The following WDPCP variants were observed in gnomAD, a reference collection of about 807,000 sequenced individuals.
WDPCP encodes the protein WD repeat containing planar cell polarity effector.
A neutral mutation model predicts 93.1 loss-of-function variants in WDPCP; 71 were observed. The ratio of observed to expected loss-of-function variants is 0.76; its 90% CI spans 0.63 to 0.93. The LOEUF (loss-of-function observed/expected upper bound fraction) is 0.93, where lower values mean the gene tolerates loss of function less well. WDPCP is among the 40% of genes least tolerant of loss of function. The pLI is 0.00. For synonymous variants in WDPCP, 315 were observed against 315.0 expected (o/e 1.00, Z 0.00); for missense variants, 844 against 887.4 (o/e 0.95, Z 0.62).
chr2:63,839,557 C>CAAAACA, the WDPCP span, among the ~76,000 whole-genome samples: 1 of 152,202 alleles, frequency 6.6e-6, no homozygotes. Context: ...GACTCCGTCT[C>CAAAACA]AAAACAAAAA....
At chr2:63,272,478 A>C (rs1682741057) in intron 13 of WDPCP, among the ~76,000 whole-genome samples, 2 of 152,232 alleles carry the variant, frequency 1.3e-5, no homozygotes, top group Non-Finnish European at 2.9e-5. Flanking sequence ...AGAACATAAT[A>C]ATTCTCCAGC....
chr2:63,450,442 C>T (rs1301201089), intron 6 of WDPCP, among the ~76,000 whole-genome samples: 1 of 152,190 alleles, frequency 6.6e-6, no homozygotes, highest in African/African-American at 2.4e-5. Flanking sequence ...TCACCCATAC[C>T]ATGCCAGCTG....
At chr2:63,337,835 TA>T (rs544486321) in intron 12 of WDPCP, among the ~76,000 whole-genome samples, 12 of 152,144 alleles carry the variant, frequency 7.9e-5, no homozygotes, top group African/African-American at 2.2e-4. Context: ...TTTGCCCATT[TA>T]AAAAAAATAG....
intron 2 of WDPCP, among the ~76,000 whole-genome samples, chr2:63,722,521 G>T (rs1391681011): frequency 3.4e-5 from 4 of 116,746 alleles, no homozygotes; most frequent in Admixed American, 2.5e-4. Flanking sequence ...AGTGAGGAGC[G>T]TCTCCGCCCG....
chr2:63,688,509 C>T (rs991442455), intron 2 of WDPCP, among the ~76,000 whole-genome samples: 3 of 83,342 alleles, frequency 3.6e-5, no homozygotes, highest in African/African-American at 6.5e-5. Flanking sequence ...AGGGTTATTG[C>T]GGGGTTGGGG....
chr2:63,344,094 T>C (rs1159909132), intron 12 of WDPCP, among the ~76,000 whole-genome samples: 1 of 152,202 alleles, frequency 6.6e-6, no homozygotes, highest in Non-Finnish European at 1.5e-5. Flanking sequence ...TTTTAAACTT[T>C]TGTTGACATT....
intron 3 of WDPCP, among the ~76,000 whole-genome samples, chr2:63,625,041 C>T (rs757356245): frequency 3.3e-5 from 5 of 152,134 alleles, no homozygotes; most frequent in East Asian, 1.9e-4. Flanking sequence ...AATCAATAAA[C>T]GTAATCCATC....
chr2:63,798,564 T>C (rs1459066504), intron 2 of WDPCP, among the ~76,000 whole-genome samples: 1 of 151,782 alleles, frequency 6.6e-6, no homozygotes, highest in Non-Finnish European at 1.5e-5. Flanking sequence ...CCAAAACACA[T>C]ATAATGGATA....
At position 63,378,484 on chromosome 2, in the gene WDPCP, G is replaced by C; in HGVS notation, c.1650C>G (p.Thr550=). The C allele has an allele frequency of 6.2e-7, 1 of 1,613,168 alleles. No individual in the cohort carries two copies. Among genetic ancestry groups the C allele is most frequent in the South Asian group, 1.1e-5 (1 of 91,066 alleles). ...GAAGTGGTCTTGTTGGAGCATAGAA[G>C]GTTCCAAGGCTTGTCTCAAGCTGTG... ...REAQLETSLG[T]FYAPTRPLLD... The change falls in exon 12 of 18, where the codon ACC becomes ACG. Residue 550 remains threonine (T), a synonymous_variant. Transcript: ENST00000272321.
intron 2 of WDPCP, among the ~76,000 whole-genome samples, chr2:63,704,493 T>A (rs1040742227): frequency 6.6e-6 from 1 of 152,174 alleles, no homozygotes; most frequent in African/African-American, 2.4e-5. Context: ...ATTTATTGAG[T>A]GTTTTTAGCA....
Position 63,120,464 on chromosome 2 carries a change from TATATA to T in WDPCP, c.*1537_*1541del, listed in dbSNP as rs1389698777. On this transcript the variant is annotated 3_prime_UTR_variant, in exon 18 of 18. Transcript: ENST00000272321. ...TTAACTTTGAACTCTAAGATTTAAT[TATATA>T]ATGTAATTATTGTCTAATATTAAAC... is the stretch of plus-strand genomic sequence containing the variant. 6.6e-6 allele frequency among the ~76,000 whole-genome samples: 1 copy of T among 151,918 alleles called. No homozygotes were observed. Among genetic ancestry groups the T allele is most frequent in the Non-Finnish European group, 1.5e-5 (1 of 68,000 alleles).
intron 3 of WDPCP, among the ~76,000 whole-genome samples, chr2:63,597,030 T>C (rs1709326957): frequency 6.6e-6 from 1 of 152,232 alleles, no homozygotes; most frequent in Non-Finnish European, 1.5e-5. Flanking sequence ...CTTAAAGTAA[T>C]TGTAATTTAA....
At chr2:63,516,666 G>C (rs1426081386) in intron 1 of WDPCP, among the ~76,000 whole-genome samples, 1 of 152,094 alleles carries the variant, frequency 6.6e-6, no homozygotes, top group Non-Finnish European at 1.5e-5. Flanking sequence ...CCAGCTCCAG[G>C]CCAGCATTCA....
At chr2:63,568,292 T>C (rs1402644549) in intron 1 of WDPCP, among the ~76,000 whole-genome samples, 3 of 151,710 alleles carry the variant, frequency 2.0e-5, no homozygotes, top group Non-Finnish European at 2.9e-5. Flanking sequence ...ATAACTACTT[T>C]AGGTTAGAAA....
chr2:63,444,576 A>G (rs760874557), intron 6 of WDPCP, among the ~76,000 whole-genome samples: 3 of 152,164 alleles, frequency 2.0e-5, no homozygotes, highest in Non-Finnish European at 2.9e-5. Flanking sequence ...GAGCACCAAG[A>G]CAGTGTCCTA....
chr2:63,758,241 G>C (rs1174334074), intron 2 of WDPCP, among the ~76,000 whole-genome samples: 1 of 152,024 alleles, frequency 6.6e-6, no homozygotes, highest in Non-Finnish European at 1.5e-5. Context: ...GAAGTCTAGG[G>C]TTGGTTCAGC....
intron 14 of WDPCP, among the ~76,000 whole-genome samples, chr2:63,207,336 C>G (rs1440561685): frequency 6.6e-6 from 1 of 152,140 alleles, no homozygotes; most frequent in Non-Finnish European, 1.5e-5. Context: ...CCTTCACTCT[C>G]TTTCTCCCTC....
intron 2 of WDPCP, among the ~76,000 whole-genome samples, chr2:63,773,741 A>C (rs1670263529): frequency 6.6e-6 from 1 of 152,086 alleles, no homozygotes; most frequent in Non-Finnish European, 1.5e-5. Context: ...GATAAATCAA[A>C]TTTTGCCAAA....
chr2:63,415,454 T>A (rs1197872386), intron 9 of WDPCP, among the ~76,000 whole-genome samples: 2 of 152,206 alleles, frequency 1.3e-5, no homozygotes, highest in Non-Finnish European at 2.9e-5. Context: ...AATAGGATAC[T>A]GTTTGACTTT....
Sources: allele counts gnomAD v4.1 joint callset (sites outside exome capture counted in the v4.1 genomes callset), GRCh38; gene constraint gnomAD v4.1.1; transcripts MANE v1.5; gene names NCBI Gene and HGNC (gene_info 2026-07-23, HGNC 2026-07-21).